The following MAP7 variants were observed in gnomAD, a reference collection of about 807,000 sequenced individuals.
MAP7 encodes the protein ensconsin.
MAP7 carries 52 observed loss-of-function variants against 94.8 expected under a neutral mutation model. That is an observed-to-expected ratio of 0.55 (90% CI 0.44 to 0.69). MAP7 has a LOEUF of 0.69. MAP7 is among the 30% of genes least tolerant of loss of function. MAP7 has a pLI of 0.00. For missense variants in MAP7, 940 were observed against 964.6 expected (o/e 0.97, Z 0.34); for synonymous variants, 350 against 357.0 (o/e 0.98, Z 0.22).
At chr6:136,444,052 C>T (rs1168298773) in intron 1 of MAP7, among the ~76,000 whole-genome samples, 1 of 152,170 alleles carries the variant, frequency 6.6e-6, no homozygotes, top group Admixed American at 6.5e-5. Context: ...CCATGTTATA[C>T]CATGTCAAAA....
intron 1 of MAP7, among the ~76,000 whole-genome samples, chr6:136,469,585 C>T (rs927708007): frequency 6.6e-6 from 1 of 152,030 alleles, no homozygotes; most frequent in African/African-American, 2.4e-5. Flanking sequence ...TGCCATGTTG[C>T]CATGTTGCCC....
intron 1 of MAP7, among the ~76,000 whole-genome samples, chr6:136,549,778 C>T (rs1473031673): frequency 6.6e-6 from 1 of 152,234 alleles, no homozygotes; most frequent in Non-Finnish European, 1.5e-5. Flanking sequence ...CGAGCTCGGT[C>T]CCCTCGGACG....
chr6:136,422,754 G>GT (rs1405783736), intron 1 of MAP7, among the ~76,000 whole-genome samples: 1 of 152,160 alleles, frequency 6.6e-6, no homozygotes, highest in Non-Finnish European at 1.5e-5. Context: ...TTGTCAGGCT[G>GT]TTTGGTCTAA....
At chr6:136,483,216 C>T (rs1384112989) in intron 1 of MAP7, among the ~76,000 whole-genome samples, 2 of 151,694 alleles carry the variant, frequency 1.3e-5, no homozygotes, top group Non-Finnish European at 2.9e-5. Context: ...GCATCATGTC[C>T]TCTGCAGCAA....
chr6:136,439,054 A>G (rs904918362), intron 1 of MAP7, among the ~76,000 whole-genome samples: 2 of 152,220 alleles, frequency 1.3e-5, no homozygotes, highest in African/African-American at 2.4e-5. Context: ...TTTATGTTCA[A>G]CTGCACTATT....
chr6:136,440,757 C>T (rs891685386), intron 1 of MAP7, among the ~76,000 whole-genome samples: 4 of 151,666 alleles, frequency 2.6e-5, no homozygotes, highest in African/African-American at 9.7e-5. Flanking sequence ...GGATATAATA[C>T]TCTCAAATGC....
In MAP7 at chr6:136,482,607, A is replaced by G. The variant is rs541855098; in HGVS notation, c.68-60808T>C. Among the ~76,000 whole-genome samples, 20 of 151,990 alleles carry G rather than the reference A, an allele frequency of 1.3e-4. No individual in the cohort carries two copies. In the East Asian group the frequency reaches 3.8e-3, roughly 29 times the overall value. On this transcript the variant is annotated intron_variant, in intron 1 of 17. Coordinates refer to ENST00000354570, the MANE Select transcript of MAP7 (RefSeq NM_003980.6). ...CAGAGGGAGGCTCCATCTCAAAAAA[A>G]AAAAAAACAGACGCATGCATATGTT...
intron 1 of MAP7, among the ~76,000 whole-genome samples, chr6:136,444,306 C>T (rs549383344): frequency 2.8e-4 from 43 of 152,288 alleles, no homozygotes; most frequent in African/African-American, 1.0e-3. Context: ...GGAATTTGCA[C>T]TTTGAAACAA....
intron 1 of MAP7, among the ~76,000 whole-genome samples, chr6:136,447,598 C>A (rs1255214202): frequency 6.6e-6 from 1 of 151,954 alleles, no homozygotes; most frequent in African/African-American, 2.4e-5. Context: ...AAGATTTATA[C>A]TTTATGAAAA....
intron 3 of MAP7, among the ~76,000 whole-genome samples, chr6:136,390,549 A>G (rs570598967): frequency 6.6e-6 from 1 of 152,208 alleles, no homozygotes; most frequent in African/African-American, 2.4e-5. Flanking sequence ...GCTACTCGGG[A>G]GGCTGAGGTG....
chr6:136,461,398 G>T (rs571307336), intron 1 of MAP7, among the ~76,000 whole-genome samples: 3 of 152,162 alleles, frequency 2.0e-5, no homozygotes, highest in Middle Eastern at 3.4e-3. Flanking sequence ...AAGCAAGAAG[G>T]CTCAATAAAA....
At chr6:136,368,769 G>T (rs994349192) in intron 8 of MAP7, among the ~76,000 whole-genome samples, 1 of 152,184 alleles carries the variant, frequency 6.6e-6, no homozygotes, top group East Asian at 1.9e-4. Flanking sequence ...CAAATAAATG[G>T]AAGGAAGTCC....
intron 3 of MAP7, among the ~76,000 whole-genome samples, chr6:136,390,992 A>G (rs559364702): frequency 2.6e-4 from 40 of 152,314 alleles, no homozygotes; most frequent in African/African-American, 9.6e-4. Context: ...TTTGCTTAAA[A>G]TGAGGACACT....
chr6:136,483,752 C>T (rs767352193), intron 1 of MAP7, among the ~76,000 whole-genome samples: 53 of 152,166 alleles, frequency 3.5e-4, no homozygotes, highest in Non-Finnish European at 6.2e-4. Flanking sequence ...AAGTAAACTT[C>T]TTACCTACTC....
Position 136,361,002 on chromosome 6 carries a change from C to T in MAP7, c.1701+3G>A, listed in dbSNP as rs764509745. ...CCGGGGCCAGGGTGGGGTGCGGCCG[C>T]ACCTGCCTCTGGGCGCGCTCTGCCT... On this transcript the variant is annotated splice_donor_region_variant and intron_variant, in intron 12 of 17. Coordinates refer to ENST00000354570, the MANE Select transcript of MAP7 (RefSeq NM_003980.6). 1.9e-6 allele frequency: 3 copies of T among 1,565,256 alleles called. No individual in the cohort carries two copies. Among genetic ancestry groups the T allele is most frequent in the Non-Finnish European group, 2.6e-6 (3 of 1,162,684 alleles).
rs574387200 is a variant in MAP7 at position 136,479,057 on chromosome 6, G to A, written c.68-57258C>T. Among the ~76,000 whole-genome samples, 552 of 147,960 alleles carry A rather than the reference G, an allele frequency of 3.7e-3. 4 individuals are homozygous for A. Among genetic ancestry groups the A allele is most frequent in the African/African-American group, 0.013 (532 of 40,520 alleles). ...AAAGAAAGAAAAAGAAAAAAGAAAA[G>A]AAAAGAAAGAAAACAAACTACAGGC... On this transcript the variant is annotated intron_variant, in intron 1 of 17. Transcript: ENST00000354570.
intron 7 of MAP7, among the ~76,000 whole-genome samples, chr6:136,373,230 T>C (rs148184376): frequency 6.6e-6 from 1 of 152,350 alleles, no homozygotes; most frequent in African/African-American, 2.4e-5. Flanking sequence ...CGAGGATAAG[T>C]AATACTTTTC....
At chr6:136,448,963 C>T (rs912727376) in intron 1 of MAP7, among the ~76,000 whole-genome samples, 4 of 146,024 alleles carry the variant, frequency 2.7e-5, no homozygotes, top group African/African-American at 7.7e-5. Flanking sequence ...AGCATGCCTA[C>T]ATACAATGTT....
chr6:136,548,404 G>C (rs1188657319), intron 1 of MAP7, among the ~76,000 whole-genome samples: 2 of 152,042 alleles, frequency 1.3e-5, no homozygotes, highest in African/African-American at 4.8e-5. Context: ...AACATTAATA[G>C]TAATCTTGGG....
Sources: gnomAD v4.1 joint callset for allele counts (sites outside exome capture counted in the v4.1 genomes callset) on GRCh38, gnomAD v4.1.1 for gene constraint, MANE v1.5 for transcripts, NCBI Gene and HGNC (gene_info 2026-07-23, HGNC 2026-07-21) for gene names.